ZFPM2: variants seen among roughly 807,000 people sequenced by gnomAD.
ZFPM2 encodes the protein zinc finger protein, FOG family member 2.
Under a neutral mutation model 98.6 loss-of-function variants are expected in ZFPM2, and 20 were observed. The observed-to-expected ratio is 0.20, with a 90% confidence interval of 0.14 to 0.29. The LOEUF (loss-of-function observed/expected upper bound fraction) is 0.29, where lower values mean the gene tolerates loss of function less well. Ranked by LOEUF, ZFPM2 falls within the 10% of genes least tolerant of loss-of-function variation. The probability of loss-of-function intolerance (pLI) is 1.00; values close to 1 mark genes in which losing one functional copy is unlikely to be tolerated. For missense variants in ZFPM2, 1,310 were observed against 1,388.6 expected, an observed-to-expected ratio of 0.94 and a Z score of 0.90; for synonymous variants, 518 against 502.7, an observed-to-expected ratio of 1.03 and a Z score of -0.41.
At chr8:105,348,847 A>G (rs1289920115) in intron 1 of ZFPM2, among the ~76,000 whole-genome samples, 1 of 152,196 alleles carries the variant, frequency 6.6e-6, no homozygotes, top group African/African-American at 2.4e-5. Flanking sequence ...GAATTGTTTG[A>G]TTTTATTTGC....
chr8:105,794,310 G>C (rs1468565425), intron 6 of ZFPM2, among the ~76,000 whole-genome samples: 1 of 152,210 alleles, frequency 6.6e-6, no homozygotes, highest in Non-Finnish European at 1.5e-5. Context: ...AGGACCCTCA[G>C]CTGCAGGTCT....
intron 3 of ZFPM2, among the ~76,000 whole-genome samples, chr8:105,530,491 G>T (rs1215610347): frequency 6.6e-6 from 1 of 152,122 alleles, no homozygotes; most frequent in Non-Finnish European, 1.5e-5. Flanking sequence ...TGACGTCATG[G>T]TCAAGTTCTG....
chr8:105,475,843 T>C (rs559382971), intron 3 of ZFPM2, among the ~76,000 whole-genome samples: 1 of 152,278 alleles, frequency 6.6e-6, no homozygotes, highest in South Asian at 2.1e-4. Flanking sequence ...TGGGATTCAT[T>C]TCAAAAAAAT....
intron 7 of ZFPM2, 40 bp downstream of exon 7, chr8:105,798,988 T>A: frequency 2.6e-6 from 4 of 1,521,890 alleles, no homozygotes; most frequent in Non-Finnish European, 2.7e-6. Context: ...TCCAGAAGAC[T>A]CTGTTATTTT....
intron 5 of ZFPM2, among the ~76,000 whole-genome samples, chr8:105,770,262 T>C (rs1293538708): frequency 5.9e-5 from 9 of 152,104 alleles, no homozygotes; most frequent in African/African-American, 2.2e-4. Context: ...TCTCCTATGA[T>C]GTGGAGTTGA....
intron 5 of ZFPM2, among the ~76,000 whole-genome samples, chr8:105,703,628 G>A (rs1811192362): frequency 6.6e-6 from 1 of 152,170 alleles, no homozygotes; most frequent in African/African-American, 2.4e-5. Context: ...GTGCTCAGGT[G>A]AGGCTGGGCC....
rs867873492 is a variant in ZFPM2, at chr8:105,483,342, C to A, written c.301+38961C>A. Among the ~76,000 whole-genome samples, 5 of 152,006 alleles carry A rather than the reference C, an allele frequency of 3.3e-5. No individual in the cohort carries two copies. In the South Asian group the frequency reaches 6.2e-4, roughly 19 times the overall value. On this transcript the variant is annotated intron_variant, in intron 3 of 7. Coordinates refer to ENST00000407775, the MANE Select transcript of ZFPM2 (RefSeq NM_012082.4). ...TGGTGGCTTATGTCTGTAATCCCAG[C>A]ACTTTGGGAAGCTGAGGCGAGTGGA...
At chr8:105,672,827 C>T (rs964580330) in intron 5 of ZFPM2, among the ~76,000 whole-genome samples, 3 of 152,152 alleles carry the variant, frequency 2.0e-5, no homozygotes, top group Non-Finnish European at 4.4e-5. Flanking sequence ...AGCAGATTAG[C>T]ACAGTGAATC....
intron 4 of ZFPM2, among the ~76,000 whole-genome samples, chr8:105,571,464 T>C (rs368748929): frequency 1.3e-5 from 2 of 152,226 alleles, no homozygotes; most frequent in East Asian, 1.9e-4. Context: ...AACAAAGCAC[T>C]GTGAGGAAGA....
intron 5 of ZFPM2, among the ~76,000 whole-genome samples, chr8:105,638,828 CTTAGTGCTTTTTGA>C (rs1183725064): frequency 6.6e-6 from 1 of 151,996 alleles, no homozygotes; most frequent in Non-Finnish European, 1.5e-5. Context: ...TATTATATCA[CTTAGTGCTTTTTGA>C]CAGGTTGCCA....
intron 3 of ZFPM2, among the ~76,000 whole-genome samples, chr8:105,467,700 T>G (rs1812819668): frequency 6.6e-6 from 1 of 152,000 alleles, no homozygotes; most frequent in Non-Finnish European, 1.5e-5. Context: ...GTAGGCTGAG[T>G]CTTTGAAGAA....
intron 2 of ZFPM2, among the ~76,000 whole-genome samples, chr8:105,434,283 CAT>C (rs1330478136): frequency 1.3e-5 from 2 of 151,666 alleles, no homozygotes; most frequent in Non-Finnish European, 2.9e-5. Flanking sequence ...AATTTGGTAA[CAT>C]AGAGTTAATT....
chr8:105,575,269 G>A (rs1815440043), intron 4 of ZFPM2, among the ~76,000 whole-genome samples: 1 of 152,064 alleles, frequency 6.6e-6, no homozygotes, highest in Middle Eastern at 3.2e-3. Flanking sequence ...CTATTTTTTG[G>A]TGTTAATCTG....
intron 1 of ZFPM2, among the ~76,000 whole-genome samples, chr8:105,396,147 A>T (rs766834663): frequency 6.6e-6 from 1 of 152,206 alleles, no homozygotes; most frequent in Non-Finnish European, 1.5e-5. Context: ...ACCAGTGTGT[A>T]TCAAGTAAAG....
At chr8:105,587,111 C>T (rs1365464889) in intron 4 of ZFPM2, among the ~76,000 whole-genome samples, 1 of 151,176 alleles carries the variant, frequency 6.6e-6, no homozygotes, top group Non-Finnish European at 1.5e-5. Context: ...CCCGTCTCTA[C>T]TAAAAAATAC....
intron 1 of ZFPM2, among the ~76,000 whole-genome samples, chr8:105,350,856 C>A (rs990769812): frequency 2.8e-4 from 43 of 152,070 alleles, no homozygotes; most frequent in African/African-American, 9.2e-4. Flanking sequence ...GGTTTCAGAA[C>A]CCCTAGCAGA....
intron 5 of ZFPM2, among the ~76,000 whole-genome samples, chr8:105,753,102 C>G (rs781205608): frequency 2.0e-5 from 3 of 152,140 alleles, no homozygotes; most frequent in Non-Finnish European, 4.4e-5. Flanking sequence ...GTGCTCCTCT[C>G]TCAGCACCTC....
intron 5 of ZFPM2, among the ~76,000 whole-genome samples, chr8:105,643,755 C>T (rs1022223278): frequency 5.9e-5 from 9 of 152,144 alleles, no homozygotes; most frequent in African/African-American, 2.2e-4. Flanking sequence ...ACTTCTGACA[C>T]CCCAAATATT....
intron 4 of ZFPM2, among the ~76,000 whole-genome samples, chr8:105,588,280 T>C (rs1367782474): frequency 1.3e-5 from 2 of 152,178 alleles, no homozygotes; most frequent in Non-Finnish European, 2.9e-5. Flanking sequence ...ACTCAGTCTC[T>C]GATGCGGTGA....
Sources: gnomAD v4.1 joint callset for allele counts (sites outside exome capture counted in the v4.1 genomes callset) on GRCh38, gnomAD v4.1.1 for gene constraint, MANE v1.5 for transcripts, NCBI Gene and HGNC (gene_info 2026-07-23, HGNC 2026-07-21) for gene names.